Variants in PARD3 observed in about 807,000 individuals in gnomAD.
PARD3 encodes the protein partitioning defective 3 homolog.
PARD3 carries 75 observed loss-of-function variants against 155.4 expected under a neutral mutation model. The observed-to-expected ratio is 0.48, with a 90% CI of 0.40 to 0.58. PARD3 has a LOEUF of 0.58. Ranked by LOEUF, PARD3 falls within the 20% of genes least tolerant of loss-of-function variation. PARD3 has a pLI of 0.00. For missense variants in PARD3, 1,642 were observed against 1,721.7 expected, an observed-to-expected ratio of 0.95 and a Z score of 0.82; for synonymous variants, 576 against 610.5, an observed-to-expected ratio of 0.94 and a Z score of 0.83.
intron 2 of PARD3, among the ~76,000 whole-genome samples, chr10:34,644,457 T>C (rs576949448): frequency 1.3e-5 from 2 of 152,394 alleles, no homozygotes; most frequent in South Asian, 4.1e-4. Context: ...ACAGCATGGC[T>C]GGTGCCGGCT....
chr10:34,525,696 C>T (rs773972), intron 2 of PARD3, among the ~76,000 whole-genome samples: 73,773 of 151,844 alleles, frequency 0.49, 20,045 homozygotes, highest in African/African-American at 0.75. Context: ...ATTAACAACA[C>T]AGTCTGCAGT....
At chr10:34,341,945 A>G (rs1270005372) in intron 15 of PARD3, 129 bp from the exon 16 acceptor site, 3 of 561,690 alleles carry the variant, frequency 5.3e-6, no homozygotes, top group Non-Finnish European at 9.3e-6. Flanking sequence ...TGGTAGAACA[A>G]AACAGAATTT....
rs370449698 is a variant in PARD3, at chr10:34,384,385, A to G, written c.891-131T>C. The G allele has an allele frequency of 5.9e-6, 5 of 854,036 alleles. No homozygotes were observed. In the East Asian group the frequency reaches 7.5e-5, roughly 13 times the overall value. 52.9% of individuals were successfully genotyped at this position (854,036 alleles called of 1,614,324 possible). A position where few individuals can be genotyped will look rare whatever the true frequency, so the allele number is the denominator to read the frequency against. Reference sequence around the variant, plus strand: ...GGAGCATGTTAAAATGACTATTCATACATTTTTAAATGACAGACAAAAACC... The same window carrying G: ...GGAGCATGTTAAAATGACTATTCATGCATTTTTAAATGACAGACAAAAACC... On this transcript the variant is annotated intron_variant, in intron 7 of 24. Transcript: ENST00000374788.
At position 34,146,587 on chromosome 10, in the gene PARD3, G is replaced by T. The variant is rs539684691; in HGVS notation, c.3420-15004C>A. On this transcript the variant is annotated intron_variant, in intron 22 of 24. Coordinates refer to ENST00000374788, the MANE Select transcript of PARD3 (RefSeq NM_001184785.2). ...ACTAGTTTTCCTTTCTTTGACATGT[G>T]ATGAAAATCACAGTTTGGCTTTAGT... 2.4e-4 allele frequency among the ~76,000 whole-genome samples: 37 copies of T among 152,306 alleles called. No homozygotes were observed. The East Asian group carries it at 7.1e-3, about 29-fold the overall frequency.
chr10:34,468,816 A>C (rs2133058430), intron 4 of PARD3, among the ~76,000 whole-genome samples: 1 of 152,338 alleles, frequency 6.6e-6, no homozygotes, highest in Non-Finnish European at 1.5e-5. Context: ...TGCAAACCAA[A>C]GTTGAAAGAA....
chr10:34,214,864 G>A (rs1019749938), intron 22 of PARD3, among the ~76,000 whole-genome samples: 3 of 152,000 alleles, frequency 2.0e-5, no homozygotes, highest in Admixed American at 6.5e-5. Flanking sequence ...TCAGTACTTC[G>A]AAGAGTCTAG....
Position 34,123,511 on chromosome 10 carries a change from A to G in PARD3, c.3541-3771T>C, listed in dbSNP as rs1486235938. Among the ~76,000 whole-genome samples the G allele has an allele frequency of 2.0e-5, 3 of 152,220 alleles. No homozygotes were observed. In the East Asian group the frequency reaches 5.8e-4, roughly 29 times the overall value. ...GGCTGGAGTACAGTGGCACAATTAC[A>G]GCTCACTGCAGCCTCAAACTCCTGG... is the stretch of plus-strand genomic sequence containing the variant. On this transcript the variant is annotated intron_variant, in intron 23 of 24. Transcript: ENST00000374788.
intron 5 of PARD3, among the ~76,000 whole-genome samples, chr10:34,414,290 A>T (rs1301723747): frequency 6.6e-6 from 1 of 152,168 alleles, no homozygotes; most frequent in Non-Finnish European, 1.5e-5. Context: ...TATTTAAAAA[A>T]TAGAAGCATG....
At chr10:34,324,526 G>A (rs982355686) in intron 19 of PARD3, among the ~76,000 whole-genome samples, 3 of 152,134 alleles carry the variant, frequency 2.0e-5, no homozygotes, top group African/African-American at 7.2e-5. Context: ...GACACTTGAG[G>A]GGCTGTGAGA....
intron 5 of PARD3, among the ~76,000 whole-genome samples, chr10:34,404,675 T>C (rs1844251906): frequency 6.6e-6 from 1 of 152,142 alleles, no homozygotes; most frequent in South Asian, 2.1e-4. Context: ...GGGTTCAAGA[T>C]TTAAACAGAC....
intron 22 of PARD3, among the ~76,000 whole-genome samples, chr10:34,196,568 CTTTTTTTTTTT>C (rs71523319): frequency 2.1e-5 from 2 of 97,422 alleles, no homozygotes; most frequent in Admixed American, 1.2e-4. Flanking sequence ...GTACCCTTTT[CTTTTTTTTTTT>C]TTTTTTTTTT....
intron 2 of PARD3, among the ~76,000 whole-genome samples, chr10:34,650,111 A>G (rs2092960790): frequency 6.6e-6 from 1 of 152,180 alleles, no homozygotes; most frequent in African/African-American, 2.4e-5. Context: ...GCTTTTTTTT[A>G]AAGAAGGATG....
At chr10:34,317,720 G>A (rs1958097122) in intron 19 of PARD3, among the ~76,000 whole-genome samples, 1 of 152,198 alleles carries the variant, frequency 6.6e-6, no homozygotes, top group South Asian at 2.1e-4. Flanking sequence ...AAGAAAATAA[G>A]CAGGCCTTCC....
chr10:34,423,195 TTA>T (rs2075409420), intron 5 of PARD3, among the ~76,000 whole-genome samples: 1 of 152,122 alleles, frequency 6.6e-6, no homozygotes, highest in Admixed American at 6.6e-5. Flanking sequence ...GTGGAGGACA[TTA>T]TGTTAAGTGA....
intron 5 of PARD3, among the ~76,000 whole-genome samples, chr10:34,408,862 C>T (rs901902326): frequency 4.0e-5 from 6 of 151,134 alleles, no homozygotes; most frequent in Admixed American, 2.0e-4. Context: ...TAATATATAG[C>T]AAAAATAAGA....
chr10:34,467,100 A>G (rs2078057017), intron 4 of PARD3, among the ~76,000 whole-genome samples: 2 of 152,134 alleles, frequency 1.3e-5, no homozygotes, highest in Admixed American at 6.5e-5. Flanking sequence ...TTTTTAAGAT[A>G]AATATTATAT....
chr10:34,677,830 T>C (rs370085588), intron 2 of PARD3, among the ~76,000 whole-genome samples: 3 of 152,124 alleles, frequency 2.0e-5, no homozygotes, highest in Non-Finnish European at 2.9e-5. Context: ...ATGGCACTCA[T>C]CCAAAAGTAA....
At chr10:34,539,790 A>G (rs1355290527) in intron 2 of PARD3, among the ~76,000 whole-genome samples, 1 of 152,148 alleles carries the variant, frequency 6.6e-6, no homozygotes, top group Non-Finnish European at 1.5e-5. Context: ...GTGTTTTCCA[A>G]CTCCACACTC....
chr10:34,261,848 A>G (rs914022225), intron 22 of PARD3, among the ~76,000 whole-genome samples: 2 of 150,338 alleles, frequency 1.3e-5, no homozygotes, highest in African/African-American at 5.0e-5. Flanking sequence ...AAACAAACAC[A>G]CACACACTGG....
Sources: gnomAD v4.1 joint callset for allele counts (sites outside exome capture counted in the v4.1 genomes callset) on GRCh38, gnomAD v4.1.1 for gene constraint, MANE v1.5 for transcripts, NCBI Gene and HGNC (gene_info 2026-07-23, HGNC 2026-07-21) for gene names.